Variants in KIF23 observed in about 807,000 individuals in gnomAD.
The protein encoded by KIF23 is kinesin-like protein KIF23.
Under a neutral mutation model 137.5 loss-of-function variants are expected in KIF23, and 30 were observed. The observed-to-expected ratio is 0.22, with a 90% confidence interval of 0.16 to 0.30. The LOEUF (loss-of-function observed/expected upper bound fraction) is 0.30, where lower values mean the gene tolerates loss of function less well. KIF23 is among the 10% of genes least tolerant of loss of function. The probability of loss-of-function intolerance (pLI) is 1.00; values close to 1 mark genes in which losing one functional copy is unlikely to be tolerated. For synonymous variants in KIF23, 367 were observed against 391.1 expected (o/e 0.94, Z 0.73); for missense variants, 920 against 1,194.3 (o/e 0.77, Z 3.38).
In KIF23 at chr15:69,444,733, C is replaced by T. The variant is rs752359507; in HGVS notation, c.2422-57C>T. 3 of 1,565,674 alleles carry T rather than the reference C, an allele frequency of 1.9e-6. No individual in the cohort carries two copies. Among genetic ancestry groups the T allele is most frequent in the Non-Finnish European group, 2.6e-6 (3 of 1,150,050 alleles). On this transcript the variant is annotated intron_variant, in intron 19 of 23. Transcript: ENST00000679126. This position sits in a 1 kb window ranked among gnomAD's most constrained non-coding sequence, Gnocchi z 4.2. ...ACTGTCATCAACTAATGTAGCCAAA[C>T]CTGCTGCACTTCTAATAATACCCTT...
chr15:69,422,397 A>G lies in KIF23; in HGVS notation c.525A>G (p.Lys175=). Residue 175 remains lysine, a synonymous_variant, in exon 6 of 24, where the codon AAA becomes AAG. Coordinates refer to ENST00000679126, the MANE Select transcript of KIF23 (RefSeq NM_001367805.3). The stretch of plus-strand genomic sequence containing the variant: ...TTGATGCCTTATTAGAACGTCAGAA[A>G]AGAGAAGCTATGCCCAATCCAAAGA... The part of the protein sequence containing the change: ...CEVDALLERQ[K]REAMPNPKTS... The G allele has an allele frequency of 1.2e-6, 2 of 1,608,442 alleles. No individual in the cohort carries two copies. Among genetic ancestry groups the G allele is most frequent in the Non-Finnish European group, 1.7e-6 (2 of 1,174,878 alleles).
At chr15:69,429,278 T>A in intron 11 of KIF23, 65 bp downstream of exon 11, 1 of 1,076,356 alleles carries the variant, frequency 9.3e-7, no homozygotes, top group Non-Finnish European at 1.4e-6. Context: ...CAGTTTATTA[T>A]CTACTTATCA....
intron 22 of KIF23, 162 bp downstream of exon 22, chr15:69,446,526 C>T (rs1204276062): frequency 1.6e-6 from 1 of 640,726 alleles, no homozygotes; most frequent in East Asian, 2.7e-5. Context: ...GAATCCACTT[C>T]ATCAGGAACT....
In KIF23 at chr15:69,435,727, A is replaced by T. The variant is rs1413806830; in HGVS notation, c.1270A>T (p.Ile424Phe). 2 of 1,614,220 alleles carry T rather than the reference A, an allele frequency of 1.2e-6. No homozygotes were observed. The highest frequency in any genetic ancestry group is 1.7e-6 in the Non-Finnish European group (2 of 1,180,038). ...TGATGGGGAAGGAAAAGTGCGGATGATCGTGTGTGTGAACCCCAAGGCTGA... is the reference window on the plus strand; with the variant it reads ...TGATGGGGAAGGAAAAGTGCGGATGTTCGTGTGTGTGAACCCCAAGGCTGA... The part of the protein sequence containing the change: ...YFDGEGKVRM[I>F]VCVNPKAEDY... The change falls in exon 13 of 24, where the codon ATC becomes TTC. Residue 424 changes from isoleucine to phenylalanine, a missense_variant. Ile to Phe is a conservative substitution (Grantham distance 21). This residue lies in a region of KIF23 where 714 missense variants were observed against 866.2 expected (regional missense o/e 0.82). Transcript: ENST00000679126.
chr15:69,431,056 AG>A (rs1595999974), intron 11 of KIF23, among the ~76,000 whole-genome samples: 1 of 152,176 alleles, frequency 6.6e-6, no homozygotes, highest in South Asian at 2.1e-4. Context: ...AGCAGTTAGG[AG>A]CCTTTTGCCC....
In KIF23 at chr15:69,439,918, G is replaced by A. The variant is rs2057572780; in HGVS notation, c.1770G>A (p.Glu590=). ...TACCTTCCTAGATTGAGATTTTAGA[G>A]AAAACAACTACTATCTATGAGGAAG... ...KTLEYKIEIL[E]KTTTIYEEDK... Residue 590 remains glutamate, a synonymous_variant, in exon 17 of 24, where the codon GAG becomes GAA. Transcript: ENST00000679126. The A allele has an allele frequency of 6.2e-7, 1 of 1,611,436 alleles. No homozygotes were observed. Among genetic ancestry groups the A allele is most frequent in the Non-Finnish European group, 8.5e-7 (1 of 1,179,048 alleles).
Position 69,435,692 on chromosome 15 carries a change from A to G in KIF23, c.1235A>G (p.Lys412Arg). The change falls in exon 13 of 24, where the codon AAG (lysine) becomes AGG (arginine). Residue 412 changes from lysine to arginine, a missense_variant. Transcript: ENST00000679126. ...GATTCAAAGTTAACCCATCTGTTCA[A>G]GAACTACTTTGATGGGGAAGGAAAA... Reference protein sequence around the residue: ...YRDSKLTHLFKNYFDGEGKVR... With the variant: ...YRDSKLTHLFRNYFDGEGKVR... 6.2e-7 allele frequency: 1 copy of G among 1,614,198 alleles called. No individual in the cohort carries two copies. Among genetic ancestry groups the G allele is most frequent in the Non-Finnish European group, 8.5e-7 (1 of 1,180,026 alleles).
rs2057704417 is a variant in KIF23 at position 69,444,687 on chromosome 15, T to G, written c.2422-103T>G. On this transcript the variant is annotated intron_variant, in intron 19 of 23. Transcript: ENST00000679126. The surrounding 1 kb of genome is among the most constrained non-coding windows in gnomAD (Gnocchi z 4.2). ...AAATTACTTGAATAAAATATTTAGC[T>G]TTGGAAAGGTTTGCTATGATACTGT... The G allele has an allele frequency of 8.6e-7, 1 of 1,157,360 alleles. No homozygotes were observed. The highest frequency in any genetic ancestry group is 1.2e-6 in the Non-Finnish European group (1 of 826,798). The allele number at this position is 1,157,360 out of a possible 1,614,324, so 71.7% of individuals were successfully genotyped here.
intron 1 of KIF23, chr15:69,414,693 C>G: frequency 2.2e-6 from 1 of 449,882 alleles, no homozygotes; most frequent in Non-Finnish European, 3.7e-6. Flanking sequence ...TCGCCCCCCG[C>G]CGCCCCGCCT....
At chr15:69,422,473 G>T (rs761319177) in intron 6 of KIF23, 38 bp downstream of exon 6, 5 of 1,170,708 alleles carry the variant, frequency 4.3e-6, no homozygotes, top group Non-Finnish European at 6.4e-6. Flanking sequence ...TGGCCTAGGG[G>T]CACAGGATTC....
At position 69,439,992 on chromosome 15, in the gene KIF23, A is replaced by G. The variant is rs753488230; in HGVS notation, c.1844A>G (p.Gln615Arg). Reference sequence around the variant, plus strand: ...CTTGAAACTCAGAACCAGAAACTTCAGCGACAGTTTTCTGACAAACGCAGA... The same window carrying G: ...CTTGAAACTCAGAACCAGAAACTTCGGCGACAGTTTTCTGACAAACGCAGA... ...QELETQNQKL[Q>R]RQFSDKRRLE... Residue 615 changes from glutamine to arginine, a missense_variant, in exon 17 of 24, where the codon CAG becomes CGG. Gln to Arg is a conservative substitution (Grantham distance 43). Coordinates refer to ENST00000679126, the MANE Select transcript of KIF23 (RefSeq NM_001367805.3). 4.3e-6 allele frequency: 7 copies of G among 1,614,124 alleles called. No homozygotes were observed. Among genetic ancestry groups the G allele is most frequent in the East Asian group, 4.5e-5 (2 of 44,876 alleles).
At chr15:69,445,179 A>G in intron 20 of KIF23, 138 bp downstream of exon 20, 1 of 861,062 alleles carries the variant, frequency 1.2e-6, no homozygotes, top group Non-Finnish European at 1.7e-6. Context: ...CCTTTTTGTT[A>G]GCAGAAAATT....
intron 10 of KIF23, among the ~76,000 whole-genome samples, chr15:69,428,287 A>G (rs935577212): frequency 1.3e-4 from 19 of 151,952 alleles, no homozygotes; most frequent in Non-Finnish European, 2.8e-4. Context: ...AGCCTTCCAT[A>G]TGCACCTGAT....
rs187362581 is a variant in KIF23, at chr15:69,430,442, G to T, written c.1114+1229G>T. ...TCCCATTAATTCTCTCTGCTGGAGCGAGCCCATCCTAATAGAGGAGATCAG... is the reference window on the plus strand; with the variant it reads ...TCCCATTAATTCTCTCTGCTGGAGCTAGCCCATCCTAATAGAGGAGATCAG... On this transcript the variant is annotated intron_variant, in intron 11 of 23. Transcript: ENST00000679126. 1.3e-3 allele frequency among the ~76,000 whole-genome samples: 191 copies of T among 152,260 alleles called. 1 individual carries two copies. The highest frequency in any genetic ancestry group is 1.9e-3 in the Non-Finnish European group (130 of 68,030).
chr15:69,442,571 G>A (rs2057646979), intron 19 of KIF23, among the ~76,000 whole-genome samples: 1 of 152,196 alleles, frequency 6.6e-6, no homozygotes, highest in Non-Finnish European at 1.5e-5. Flanking sequence ...ATTTACCAGG[G>A]AAACAGATGA....
At chr15:69,429,925 G>C (rs1015742704) in intron 11 of KIF23, among the ~76,000 whole-genome samples, 1 of 152,050 alleles carries the variant, frequency 6.6e-6, no homozygotes, top group Admixed American at 6.6e-5. Context: ...GCTGAGGTGG[G>C]AGAATTGCTT....
chr15:69,437,524 A>T (rs1382529882), intron 15 of KIF23, among the ~76,000 whole-genome samples: 3 of 146,144 alleles, frequency 2.1e-5, no homozygotes, highest in African/African-American at 7.7e-5. Flanking sequence ...GCAATGGCGC[A>T]ATCTCGGCTC....
At position 69,444,363 on chromosome 15, in the gene KIF23, GT is replaced by G. The variant is rs1182588852; in HGVS notation, c.2422-423del. On this transcript the variant is annotated intron_variant, in intron 19 of 23. Coordinates refer to ENST00000679126, the MANE Select transcript of KIF23 (RefSeq NM_001367805.3). This position sits in a 1 kb window ranked among gnomAD's most constrained non-coding sequence, Gnocchi z 4.2. ...ACCTATGTTCTTAGGATTGTTTTCT[GT>G]TTTGTTTAGAAGCCTAGAAAATGTG... 1.3e-5 allele frequency: 2 copies of G among 155,828 alleles called. No homozygotes were observed. Among genetic ancestry groups the G allele is most frequent in the African/African-American group, 4.8e-5 (2 of 41,424 alleles). 9.7% of individuals were successfully genotyped at this position (155,828 alleles called of 1,614,324 possible).
intron 14 of KIF23, 124 bp downstream of exon 14, chr15:69,436,385 T>C: frequency 7.5e-7 from 1 of 1,339,838 alleles, no homozygotes; most frequent in Non-Finnish European, 1.0e-6. Flanking sequence ...CACATAATAA[T>C]TTGAACAAAA....
Sources: allele counts gnomAD v4.1 joint callset (sites outside exome capture counted in the v4.1 genomes callset), GRCh38; gene constraint gnomAD v4.1.1; regional missense constraint gnomAD v4.1.1; non-coding constraint Gnocchi (gnomAD v3.1); transcripts MANE v1.5; gene names NCBI Gene and HGNC (gene_info 2026-07-23, HGNC 2026-07-21).